DPY19L1: variants seen among roughly 807,000 people sequenced by gnomAD.
DPY19L1 encodes the protein dpy-19 like C-mannosyltransferase 1.
DPY19L1 carries 35 observed loss-of-function variants against 96.9 expected under a neutral mutation model. The observed-to-expected ratio is 0.36, with a 90% CI of 0.28 to 0.48. The LOEUF (loss-of-function observed/expected upper bound fraction) is 0.48. DPY19L1 is among the 20% of genes least tolerant of loss of function. The probability of loss-of-function intolerance (pLI) is 0.99; values close to 1 mark genes in which losing one functional copy is unlikely to be tolerated. For synonymous variants in DPY19L1, 205 were observed against 252.6 expected, an observed-to-expected ratio of 0.81 and a Z score of 1.79; for missense variants, 521 against 777.9, an observed-to-expected ratio of 0.67 and a Z score of 3.93.
chr7:34,939,164 C>T lies in DPY19L1; in HGVS notation c.1964+112G>A, dbSNP rs569717925. On this transcript the variant is annotated intron_variant, in intron 20 of 21. Transcript: ENST00000638088. Reference sequence around the variant, plus strand: ...GCTTTCTGCTCCCTGACTCGATAAGCCTCAGTTCATCATATCCTTTTGAAA... The same window carrying T: ...GCTTTCTGCTCCCTGACTCGATAAGTCTCAGTTCATCATATCCTTTTGAAA... The T allele has an allele frequency of 4.4e-6, 4 of 903,472 alleles. No individual in the cohort carries two copies. In the East Asian group the frequency reaches 1.1e-4, roughly 25 times the overall value. 56.0% of individuals were successfully genotyped at this position (903,472 alleles called of 1,614,324 possible). A position where few individuals can be genotyped will look rare whatever the true frequency, so the allele number is the denominator to read the frequency against.
intron 7 of DPY19L1, among the ~76,000 whole-genome samples, chr7:34,982,355 G>T (rs549272741): frequency 6.2e-4 from 94 of 152,192 alleles, no homozygotes; most frequent in Non-Finnish European, 1.1e-3. Context: ...CATCATATCT[G>T]CAGCTCATTT....
intron 7 of DPY19L1, among the ~76,000 whole-genome samples, chr7:34,974,647 T>G (rs1784795802): frequency 6.6e-6 from 1 of 152,190 alleles, no homozygotes; most frequent in Non-Finnish European, 1.5e-5. Flanking sequence ...TTAAAAGCTG[T>G]TAGTTTATTA....
rs770623837 is a variant in DPY19L1, at chr7:34,969,547, A to G, written c.915-15T>C. 6 of 1,465,714 alleles carry G rather than the reference A, an allele frequency of 4.1e-6. No homozygotes were observed. The Admixed American group carries it at 7.0e-5, about 17-fold the overall frequency. 90.8% of individuals were successfully genotyped at this position (1,465,714 alleles called of 1,614,324 possible). On this transcript the variant is annotated splice_polypyrimidine_tract_variant and intron_variant, in intron 8 of 21. Coordinates refer to ENST00000638088, the MANE Select transcript of DPY19L1 (RefSeq NM_001366673.1). ...GTTTTGTAGCCCTTGAAAAGATAAA[A>G]TAAGTGTTAGTAAGTTTAAACACGA... is the stretch of plus-strand genomic sequence containing the variant.
At chr7:35,007,510 C>T (rs1314604355) in intron 6 of DPY19L1, among the ~76,000 whole-genome samples, 3 of 152,060 alleles carry the variant, frequency 2.0e-5, no homozygotes, top group African/African-American at 7.2e-5. Context: ...CTCATGCCAC[C>T]TTAAGCAGTA....
rs202077354 is a variant in DPY19L1 at position 34,942,599 on chromosome 7, C to T, written c.1569+16G>A. ...ACTTTAAGATAAGTAAAATTATAGT[C>T]ATATTAAGTCTTTACCTCTCCATGA... On this transcript the variant is annotated intron_variant, in intron 17 of 21. Transcript: ENST00000638088. 8 of 1,571,576 alleles carry T rather than the reference C, an allele frequency of 5.1e-6. No homozygotes were observed. The highest frequency in any genetic ancestry group is 6.1e-6 in the Non-Finnish European group (7 of 1,155,010).
intron 13 of DPY19L1, among the ~76,000 whole-genome samples, chr7:34,952,587 A>G (rs1049756860): frequency 8.5e-5 from 13 of 152,182 alleles, no homozygotes; most frequent in African/African-American, 2.7e-4. Context: ...ATTACAAGAA[A>G]ACTACAACAA....
chr7:34,979,256 A>T (rs916296785), intron 7 of DPY19L1, among the ~76,000 whole-genome samples: 7 of 152,228 alleles, frequency 4.6e-5, no homozygotes, highest in Non-Finnish European at 8.8e-5. Context: ...ATCTGGCAAG[A>T]TGTTATCAGT....
chr7:34,965,483 T>C (rs1185801517), intron 10 of DPY19L1, among the ~76,000 whole-genome samples: 6 of 152,062 alleles, frequency 3.9e-5, no homozygotes, highest in Non-Finnish European at 5.9e-5. Context: ...GAAAAGCAAA[T>C]TGATTACAAT....
chr7:34,931,868 G>C, intron 21 of DPY19L1, 139 bp from the exon 22 acceptor site: 2 of 1,291,746 alleles, frequency 1.5e-6, no homozygotes, highest in Non-Finnish European at 2.1e-6. Context: ...CTGTTACATA[G>C]CTATTTATGT....
In DPY19L1 at chr7:34,947,024, T is replaced by C. The variant is rs140439082; in HGVS notation, c.1494+606A>G. Among the ~76,000 whole-genome samples the C allele has an allele frequency of 5.6e-3, 857 of 152,366 alleles. 8 individuals carry two copies. Among genetic ancestry groups the C allele is most frequent in the Non-Finnish European group, 8.4e-3 (571 of 68,042 alleles). On this transcript the variant is annotated intron_variant, in intron 15 of 21. Coordinates refer to ENST00000638088, the MANE Select transcript of DPY19L1 (RefSeq NM_001366673.1). ...TTAAGGTCTGTCGTCTCTTTTTCCATCACAGATTAACTTCTGTTCATTCTC... is the reference window on the plus strand; with the variant it reads ...TTAAGGTCTGTCGTCTCTTTTTCCACCACAGATTAACTTCTGTTCATTCTC...
intron 7 of DPY19L1, among the ~76,000 whole-genome samples, chr7:34,983,887 A>C (rs1331692621): frequency 6.6e-6 from 1 of 152,212 alleles, no homozygotes; most frequent in Non-Finnish European, 1.5e-5. Flanking sequence ...TCAATGAACA[A>C]AGCACGTCTA....
At chr7:35,010,836 C>T (rs536288809) in intron 5 of DPY19L1, among the ~76,000 whole-genome samples, 1 of 152,198 alleles carries the variant, frequency 6.6e-6, no homozygotes, top group African/African-American at 2.4e-5. Context: ...TTTCATTGGG[C>T]TTGTGACTCT....
At chr7:34,985,394 G>A (rs982641360) in intron 7 of DPY19L1, among the ~76,000 whole-genome samples, 7 of 152,052 alleles carry the variant, frequency 4.6e-5, no homozygotes, top group South Asian at 2.1e-4. Context: ...CAGTCAACCC[G>A]AGGATTGGGA....
chr7:34,945,096 C>T (rs188830872), intron 16 of DPY19L1, among the ~76,000 whole-genome samples: 4 of 152,128 alleles, frequency 2.6e-5, no homozygotes, highest in East Asian at 1.9e-4. Flanking sequence ...TCAGGAGATA[C>T]GGGTCACACA....
intron 6 of DPY19L1, among the ~76,000 whole-genome samples, chr7:34,996,136 T>C (rs1454686433): frequency 6.6e-6 from 1 of 152,246 alleles, no homozygotes; most frequent in Non-Finnish European, 1.5e-5. Flanking sequence ...AATTCACCCA[T>C]GGTGCCTAGC....
chr7:34,963,750 T>A (rs1329191623), intron 10 of DPY19L1, among the ~76,000 whole-genome samples: 13 of 152,148 alleles, frequency 8.5e-5, no homozygotes, highest in African/African-American at 9.7e-5. Flanking sequence ...TGGACTATTA[T>A]TTAGCTTTAA....
intron 7 of DPY19L1, among the ~76,000 whole-genome samples, chr7:34,978,639 T>C (rs1444397103): frequency 6.6e-6 from 1 of 152,188 alleles, no homozygotes; most frequent in Admixed American, 6.5e-5. Context: ...TGATAATAAG[T>C]AAGCCTGGTT....
intron 16 of DPY19L1, among the ~76,000 whole-genome samples, chr7:34,944,754 T>C (rs1413954015): frequency 6.6e-6 from 1 of 152,158 alleles, no homozygotes; most frequent in South Asian, 2.1e-4. Context: ...TCTCTCCCCA[T>C]CATCTCTGTA....
intron 1 of DPY19L1, among the ~76,000 whole-genome samples, chr7:35,020,343 T>A (rs1320733980): frequency 6.6e-6 from 1 of 152,172 alleles, no homozygotes; most frequent in African/African-American, 2.4e-5. Context: ...TGGGAAGAAT[T>A]TACACGTTTA....
Sources: allele counts gnomAD v4.1 joint callset (sites outside exome capture counted in the v4.1 genomes callset), GRCh38; gene constraint gnomAD v4.1.1; transcripts MANE v1.5; gene names NCBI Gene and HGNC (gene_info 2026-07-23, HGNC 2026-07-21).